The following DMD variants were observed in gnomAD, a reference collection of about 807,000 sequenced individuals.
The protein encoded by DMD is mutant dystrophin.
A neutral mutation model predicts 330.1 loss-of-function variants in DMD; 63 were observed. The observed-to-expected ratio is 0.19, with a 90% CI of 0.16 to 0.24. DMD has a LOEUF of 0.24. Ranked by LOEUF, DMD falls within the 10% of genes least tolerant of loss-of-function variation. The pLI, the probability that DMD is intolerant of heterozygous loss-of-function variation, is 1.00. For synonymous variants in DMD, 1,223 were observed against 959.8 expected (o/e 1.27, Z -5.07); for missense variants, 3,344 against 2,684.1 (o/e 1.25, Z -5.43).
At chrX:32,912,030 GGAGAGA>G (rs58167255) in intron 2 of DMD, among the ~76,000 whole-genome samples, 7 of 64,715 alleles carry the variant, frequency 1.1e-4, no homozygotes, top group Non-Finnish European at 1.5e-4. Context: ...GGAGAGAAGG[GGAGAGA>G]GAGAGAGAGA....
At chrX:32,155,066 T>G (rs2096824077) in intron 44 of DMD, among the ~76,000 whole-genome samples, 1 of 110,303 alleles carries the variant, frequency 9.1e-6, no homozygotes, top group South Asian at 3.9e-4. Flanking sequence ...CTGTGTTTTT[T>G]TTTTTTTTTT....
intron 44 of DMD, among the ~76,000 whole-genome samples, chrX:32,021,447 G>A (rs1251137705): frequency 1.8e-5 from 2 of 111,951 alleles, no homozygotes; most frequent in Non-Finnish European, 3.8e-5. Context: ...GAAGGAAGGT[G>A]ATTAGCAAGG....
chrX:31,606,540 T>G (rs979755607), intron 55 of DMD, among the ~76,000 whole-genome samples: 3 of 111,520 alleles, frequency 2.7e-5, no homozygotes, highest in African/African-American at 9.8e-5. Context: ...TAAAGTAACA[T>G]GTACATTCTA....
At chrX:32,249,115 AG>A (rs1157827795) in intron 43 of DMD, among the ~76,000 whole-genome samples, 2 of 111,563 alleles carry the variant, frequency 1.8e-5, no homozygotes, top group African/African-American at 6.5e-5. Context: ...CTCTACCATA[AG>A]AATTACAAAT....
At chrX:32,712,136 AT>A (rs1173058175) in intron 7 of DMD, among the ~76,000 whole-genome samples, 2 of 111,764 alleles carry the variant, frequency 1.8e-5, no homozygotes. Flanking sequence ...GTATTCATTT[AT>A]CCATTTATTT....
chrX:32,855,498 GAC>G (rs2081473086), intron 2 of DMD, among the ~76,000 whole-genome samples: 1 of 111,827 alleles, frequency 8.9e-6, no homozygotes, highest in African/African-American at 3.3e-5. Context: ...ATAGAGCCCA[GAC>G]ACAACTCCAC....
chrX:32,781,082 C>A (rs1175012804), intron 7 of DMD, among the ~76,000 whole-genome samples: 2 of 104,465 alleles, frequency 1.9e-5, no homozygotes, highest in Non-Finnish European at 3.9e-5. Flanking sequence ...CGCGCCACTG[C>A]ACTCCAGCCT....
intron 1 of DMD, among the ~76,000 whole-genome samples, chrX:33,179,129 T>C (rs911199904): frequency 9.0e-6 from 1 of 111,519 alleles, no homozygotes; most frequent in East Asian, 2.8e-4. Context: ...CAGAAAAAAA[T>C]TGGAGTACAG....
intron 59 of DMD, among the ~76,000 whole-genome samples, chrX:31,449,762 TGATA>T (rs1383684710): frequency 2.2e-4 from 11 of 49,875 alleles, no homozygotes; most frequent in Non-Finnish European, 3.4e-4. Context: ...ATAAATGGTG[TGATA>T]TATATATATA....
chrX:33,230,807 A>G (rs765112575), intron 1 of DMD, among the ~76,000 whole-genome samples: 1 of 111,146 alleles, frequency 9.0e-6, no homozygotes, highest in East Asian at 2.8e-4. Flanking sequence ...CACTTAACCA[A>G]CGTGCTAAGT....
At position 32,972,270 on chromosome X, in the gene DMD, C is replaced by T. The variant is rs757793245; in HGVS notation, c.93+47869G>A. Among the ~76,000 whole-genome samples the T allele has an allele frequency of 8.1e-5, 9 of 110,720 alleles. No homozygotes were observed. The East Asian group carries it at 8.6e-4, about 11-fold the overall frequency. On this transcript the variant is annotated intron_variant, in intron 2 of 78. Coordinates refer to ENST00000357033, the MANE Select transcript of DMD (RefSeq NM_004006.3). ...ATGGCTCACTGCAGCCTTGACCTCC[C>T]GGGCTCAAGAGATCCTCCTACCTCA... is the stretch of plus-strand genomic sequence containing the variant.
intron 55 of DMD, among the ~76,000 whole-genome samples, chrX:31,603,867 G>A (rs148880129): frequency 0.011 from 1,246 of 111,349 alleles, 12 homozygotes; most frequent in Non-Finnish European, 0.019. Flanking sequence ...ACAATGCCAC[G>A]CCAAGCAGTT....
chrX:32,815,520 T>TATATATATATATATAC, intron 6 of DMD, among the ~76,000 whole-genome samples: 4 of 78,918 alleles, frequency 5.1e-5, no homozygotes, highest in African/African-American at 1.6e-4. Context: ...TATATATATA[T>TATATATATATATATAC]ACACACACAC....
intron 57 of DMD, among the ~76,000 whole-genome samples, chrX:31,486,198 C>T (rs940251733): frequency 1.8e-5 from 2 of 112,464 alleles, no homozygotes; most frequent in African/African-American, 3.2e-5. Context: ...TCGTTATTAT[C>T]GATGCTTAAA....
intron 44 of DMD, among the ~76,000 whole-genome samples, chrX:32,011,200 C>T (rs905112915): frequency 8.9e-6 from 1 of 112,363 alleles, no homozygotes; most frequent in Non-Finnish European, 1.9e-5. Flanking sequence ...CTGTCTGATA[C>T]TTTTCTTGTG....
At chrX:31,793,104 C>A (rs1266956461) in intron 50 of DMD, among the ~76,000 whole-genome samples, 2 of 111,065 alleles carry the variant, frequency 1.8e-5, no homozygotes, top group African/African-American at 6.6e-5. Context: ...AAAGTTATGC[C>A]ATCAAGTTGT....
chrX:32,387,974 T>G (rs763045882), intron 32 of DMD, among the ~76,000 whole-genome samples: 2 of 111,887 alleles, frequency 1.8e-5, no homozygotes, highest in African/African-American at 6.5e-5. Flanking sequence ...TTCATGAAAG[T>G]AAGACTTTTA....
At chrX:31,510,506 C>CTTTTTTTT (rs756448666) in intron 55 of DMD, among the ~76,000 whole-genome samples, 17 of 84,540 alleles carry the variant, frequency 2.0e-4, no homozygotes, top group African/African-American at 5.2e-4. Context: ...TCTGACTGCT[C>CTTTTTTTT]TTTTTTTTTT....
intron 11 of DMD, among the ~76,000 whole-genome samples, chrX:32,616,109 A>T (rs1483957194): frequency 9.0e-6 from 1 of 110,868 alleles, no homozygotes; most frequent in Non-Finnish European, 1.9e-5. Flanking sequence ...TTTTTGAAAG[A>T]CCACAGAAGT....
Sources: gnomAD v4.1 joint callset for allele counts (sites outside exome capture counted in the v4.1 genomes callset) on GRCh38, gnomAD v4.1.1 for gene constraint, MANE v1.5 for transcripts, NCBI Gene and HGNC (gene_info 2026-07-23, HGNC 2026-07-21) for gene names.